The following SCNN1G variants were observed in gnomAD, a reference collection of about 807,000 sequenced individuals.
SCNN1G encodes the protein epithelial sodium channel subunit gamma.
A neutral mutation model predicts 64.6 loss-of-function variants in SCNN1G; 27 were observed. The ratio of observed to expected loss-of-function variants is 0.42; its 90% CI spans 0.31 to 0.58. The LOEUF is 0.58. Among genes scored for constraint, SCNN1G ranks in the 20% least tolerant of loss-of-function variants. The pLI, the probability that SCNN1G is intolerant of heterozygous loss-of-function variation, is 0.18. For missense variants in SCNN1G, 743 were observed against 823.4 expected, an observed-to-expected ratio of 0.90 and a Z score of 1.19; for synonymous variants, 330 against 314.2, an observed-to-expected ratio of 1.05 and a Z score of -0.53.
intron 6 of SCNN1G, among the ~76,000 whole-genome samples, chr16:23,208,109 T>C (rs1319315814): frequency 6.6e-6 from 1 of 152,246 alleles, no homozygotes; most frequent in Non-Finnish European, 1.5e-5. Flanking sequence ...ACCCCCATTT[T>C]TGCTTGTTTG....
chr16:23,205,346 C>T lies in SCNN1G; in HGVS notation c.1078-4404C>T, dbSNP rs568816332. Among the ~76,000 whole-genome samples, 3 of 152,132 alleles carry T rather than the reference C, an allele frequency of 2.0e-5. No homozygotes were observed. The East Asian group carries it at 5.8e-4, about 30-fold the overall frequency. On this transcript the variant is annotated intron_variant, in intron 6 of 12. Coordinates refer to ENST00000300061, the MANE Select transcript of SCNN1G (RefSeq NM_001039.4). ...TACGCCCACGGTCAGAGGAGACCAT[C>T]AGGACAGGGTCATGGGAGGGGCCCT...
chr16:23,207,561 TCA>T (rs1199497846), intron 6 of SCNN1G, among the ~76,000 whole-genome samples: 1 of 152,206 alleles, frequency 6.6e-6, no homozygotes, highest in Non-Finnish European at 1.5e-5. Context: ...AGAAAGACAC[TCA>T]CTCTTGTTAG....
intron 2 of SCNN1G, among the ~76,000 whole-genome samples, chr16:23,187,713 C>CG (rs965260950): frequency 4.6e-5 from 7 of 152,136 alleles, no homozygotes; most frequent in African/African-American, 1.7e-4. Context: ...TTGAGCTCAT[C>CG]GGGCCCTGGG....
At chr16:23,191,529 A>C (rs1467014716) in intron 3 of SCNN1G, among the ~76,000 whole-genome samples, 2 of 152,026 alleles carry the variant, frequency 1.3e-5, no homozygotes, top group African/African-American at 4.8e-5. Context: ...GGGCTCAAAC[A>C]ATTTTCCCAC....
Position 23,213,138 on chromosome 16 carries a change from C to T in SCNN1G, c.1468C>T (p.Arg490Trp), listed in dbSNP as rs72647530. 1.2e-5 allele frequency: 20 copies of T among 1,613,340 alleles called. No individual in the cohort carries two copies. The highest frequency in any genetic ancestry group is 1.7e-5 in the Non-Finnish European group (20 of 1,179,788). The change falls in exon 11 of 13, where the codon CGG (arginine) becomes TGG (tryptophan). Residue 490 changes from arginine (R) to tryptophan (W), a missense_variant. Coordinates refer to ENST00000300061, the MANE Select transcript of SCNN1G (RefSeq NM_001039.4). ...GCCTGTTCTCACTTGGGACCAAGGCCGGCAAGTAAACAAAAAGCTCAACAA... is the reference window on the plus strand; with the variant it reads ...GCCTGTTCTCACTTGGGACCAAGGCTGGCAAGTAAACAAAAAGCTCAACAA... The part of the protein sequence containing the change: ...LLPVLTWDQG[R>W]QVNKKLNKTD...
Position 23,209,779 on chromosome 16 carries a change from C to T in SCNN1G, c.1107C>T (p.Tyr369=). The change falls in exon 7 of 13, where the codon TAC becomes TAT. Residue 369 remains tyrosine, a synonymous_variant. Transcript: ENST00000300061. ...LTESFKLSEP[Y]SQCTEDGSDV... ...AGTCCTTCAAGCTGAGTGAGCCCTACAGTCAGTGCACGGAGGACGGGAGTG... is the reference window on the plus strand; with the variant it reads ...AGTCCTTCAAGCTGAGTGAGCCCTATAGTCAGTGCACGGAGGACGGGAGTG... 6.2e-7 allele frequency: 1 copy of T among 1,613,980 alleles called. No homozygotes were observed. The highest frequency in any genetic ancestry group is 8.5e-7 in the Non-Finnish European group (1 of 1,179,810).
chr16:23,191,072 C>T (rs527832568), intron 3 of SCNN1G, among the ~76,000 whole-genome samples: 4 of 152,036 alleles, frequency 2.6e-5, no homozygotes, highest in East Asian at 1.9e-4. Flanking sequence ...CTCGAACCCT[C>T]GACCTCAGGT....
At chr16:23,214,675 T>C in intron 11 of SCNN1G, 37 bp from the exon 12 acceptor site, 1 of 1,535,452 alleles carries the variant, frequency 6.5e-7, no homozygotes, top group Non-Finnish European at 9.0e-7. Flanking sequence ...TCTGGTAGGA[T>C]GCCAAGGCTC....
At chr16:23,203,662 C>A (rs1028303734) in intron 6 of SCNN1G, among the ~76,000 whole-genome samples, 2 of 141,486 alleles carry the variant, frequency 1.4e-5, no homozygotes, top group Non-Finnish European at 3.0e-5. Context: ...CCCAGCTACT[C>A]GGGAGGCTGA....
chr16:23,188,366 G>C (rs1179999059), intron 2 of SCNN1G, among the ~76,000 whole-genome samples: 1 of 152,002 alleles, frequency 6.6e-6, no homozygotes, highest in Non-Finnish European at 1.5e-5. Flanking sequence ...TTTTAAATTA[G>C]CCAGGTGTGA....
At chr16:23,206,254 G>C (rs1352293737) in intron 6 of SCNN1G, among the ~76,000 whole-genome samples, 1 of 152,218 alleles carries the variant, frequency 6.6e-6, no homozygotes, top group African/African-American at 2.4e-5. Flanking sequence ...CCTTGTCTGG[G>C]AATAGCTTGG....
intron 6 of SCNN1G, among the ~76,000 whole-genome samples, chr16:23,199,697 A>T (rs1959857013): frequency 1.0e-5 from 1 of 95,366 alleles, no homozygotes; most frequent in African/African-American, 4.2e-5. Context: ...TTTGAGACAG[A>T]GTGTCACTCT....
chr16:23,187,691 C>G (rs1959635766), intron 2 of SCNN1G, among the ~76,000 whole-genome samples: 1 of 152,178 alleles, frequency 6.6e-6, no homozygotes, highest in Non-Finnish European at 1.5e-5. Context: ...TGAATAAACC[C>G]AGCCCCATTA....
At chr16:23,192,648 G>T (rs1442913577) in intron 4 of SCNN1G, 106 bp downstream of exon 4, 3 of 917,842 alleles carry the variant, frequency 3.3e-6, no homozygotes, top group African/African-American at 3.3e-5. Context: ...GGAGCAAAAG[G>T]TGCTCTTCTC....
At chr16:23,214,083 G>A (rs1960122302) in intron 11 of SCNN1G, among the ~76,000 whole-genome samples, 1 of 152,192 alleles carries the variant, frequency 6.6e-6, no homozygotes, top group South Asian at 2.1e-4. Flanking sequence ...TTAGTGCAAT[G>A]GTTAAGAGCA....
chr16:23,214,706 T>C lies in SCNN1G; in HGVS notation c.1494-6T>C. 6.2e-7 allele frequency: 1 copy of C among 1,612,904 alleles called. No individual in the cohort carries two copies. Among genetic ancestry groups the C allele is most frequent in the South Asian group, 1.1e-5 (1 of 91,052 alleles). On this transcript the variant is annotated splice_polypyrimidine_tract_variant and splice_region_variant and intron_variant, in intron 11 of 12. Transcript: ENST00000300061. The stretch of plus-strand genomic sequence containing the variant: ...GGCTCTTGATTCACCTGTTGGAATT[T>C]TGCAGGACAGACTTGGCCAAACTCT...
chr16:23,190,207 A>G (rs1315551409), intron 3 of SCNN1G, among the ~76,000 whole-genome samples: 1 of 152,114 alleles, frequency 6.6e-6, no homozygotes, highest in African/African-American at 2.4e-5. Context: ...TTTGTAACAA[A>G]CCTGCATGTT....
chr16:23,215,475 G>T lies in SCNN1G; in HGVS notation c.*6G>T. The T allele has an allele frequency of 6.2e-7, 1 of 1,606,516 alleles. No individual in the cohort carries two copies. The highest frequency in any genetic ancestry group is 8.5e-7 in the Non-Finnish European group (1 of 1,179,978). On this transcript the variant is annotated 3_prime_UTR_variant, in exon 13 of 13. Transcript: ENST00000300061. Reference sequence around the variant, plus strand: ...AGATGCTGGATGAGCTCTGAGGCAGGGTTGAGAAGACAGATCTAGTCAGGA... The same window carrying T: ...AGATGCTGGATGAGCTCTGAGGCAGTGTTGAGAAGACAGATCTAGTCAGGA...
intron 4 of SCNN1G, 35 bp from the exon 5 acceptor site, chr16:23,194,136 G>T: frequency 7.0e-7 from 1 of 1,418,870 alleles, no homozygotes; most frequent in Non-Finnish European, 1.0e-6. Flanking sequence ...ATGCATGGGG[G>T]AGATCCCTTT....
Sources: gnomAD v4.1 joint callset for allele counts (sites outside exome capture counted in the v4.1 genomes callset) on GRCh38, gnomAD v4.1.1 for gene constraint, MANE v1.5 for transcripts, NCBI Gene and HGNC (gene_info 2026-07-23, HGNC 2026-07-21) for gene names.